WDPCP: variants seen among roughly 807,000 people sequenced by gnomAD.
WDPCP encodes WD repeat-containing and planar cell polarity effector protein fritz homolog.
Under a neutral mutation model 93.1 loss-of-function variants are expected in WDPCP, and 71 were observed. That is an observed-to-expected ratio of 0.76 (90% CI 0.63 to 0.93). The LOEUF is 0.93. Among genes scored for constraint, WDPCP ranks in the 40% least tolerant of loss-of-function variants. WDPCP has a pLI of 0.00. For synonymous variants in WDPCP, 315 were observed against 315.0 expected, an observed-to-expected ratio of 1.00 and a Z score of 0.00; for missense variants, 844 against 887.4, an observed-to-expected ratio of 0.95 and a Z score of 0.62.
intron 14 of WDPCP, among the ~76,000 whole-genome samples, chr2:63,246,569 G>A (rs1206396966): frequency 1.3e-5 from 2 of 152,146 alleles, no homozygotes; most frequent in Non-Finnish European, 2.9e-5. Context: ...GGTGCAGAAG[G>A]TTTTCAAAAG....
chr2:63,820,335 A>G (rs1384450688), intron 1 of WDPCP, among the ~76,000 whole-genome samples: 3 of 152,192 alleles, frequency 2.0e-5, no homozygotes, highest in African/African-American at 7.2e-5. Flanking sequence ...TTTATAAAAC[A>G]GACCAGATTA....
rs145800207 is a variant in WDPCP at position 63,530,491 on chromosome 2, G to T, written c.76-37551C>A. On this transcript the variant is annotated intron_variant, in intron 1 of 17. Coordinates refer to ENST00000272321, the MANE Select transcript of WDPCP (RefSeq NM_015910.7). ...AAAAGACTTGGGTTTCTTAAGCTTG[G>T]AGTTCCCCTCCTATAATGCAGCCCA... 2.0e-4 allele frequency among the ~76,000 whole-genome samples: 30 copies of T among 152,074 alleles called. No homozygotes were observed. The East Asian group carries it at 4.3e-3, about 22-fold the overall frequency.
intron 1 of WDPCP, among the ~76,000 whole-genome samples, chr2:63,825,477 G>C (rs762341342): frequency 6.6e-6 from 1 of 151,966 alleles, no homozygotes; most frequent in Non-Finnish European, 1.5e-5. Context: ...GAAGCACCTC[G>C]AGCCAAAAGA....
chr2:63,228,728 C>T (rs934963679), intron 14 of WDPCP: 1 of 152,026 alleles, frequency 6.6e-6, no homozygotes, highest in Non-Finnish European at 1.5e-5. Context: ...TGATGGTTTC[C>T]AGCTTCATCC....
At chr2:63,796,667 A>G (rs1257798528) in intron 2 of WDPCP, among the ~76,000 whole-genome samples, 1 of 152,252 alleles carries the variant, frequency 6.6e-6, no homozygotes, top group Non-Finnish European at 1.5e-5. Context: ...GAGCAGCCCC[A>G]GCCAGAGGAG....
At chr2:63,667,907 A>G (rs997767343) in intron 2 of WDPCP, among the ~76,000 whole-genome samples, 5 of 152,104 alleles carry the variant, frequency 3.3e-5, no homozygotes, top group African/African-American at 1.2e-4. Flanking sequence ...GCTGCCAGGG[A>G]ATGTTCACAC....
In WDPCP at chr2:63,119,950, T is replaced by G. The variant is rs957879359; in HGVS notation, c.*2056A>C. Among the ~76,000 whole-genome samples the G allele has an allele frequency of 6.6e-6, 1 of 152,220 alleles. No homozygotes were observed. The highest frequency in any genetic ancestry group is 1.5e-5 in the Non-Finnish European group (1 of 68,040). ...TGGTTTTCTGTACATTTAACTTTTCTAGAGGTATGTGAAGTGGGGAAAATG... is the reference window on the plus strand; with the variant it reads ...TGGTTTTCTGTACATTTAACTTTTCGAGAGGTATGTGAAGTGGGGAAAATG... On this transcript the variant is annotated 3_prime_UTR_variant, in exon 18 of 18. Coordinates refer to ENST00000272321, the MANE Select transcript of WDPCP (RefSeq NM_015910.7).
At chr2:63,795,464 G>C (rs781173435) in intron 2 of WDPCP, among the ~76,000 whole-genome samples, 11 of 149,380 alleles carry the variant, frequency 7.4e-5, no homozygotes, top group Non-Finnish European at 1.3e-4. Context: ...CAAGGAGTTT[G>C]AATCCAACCT....
intron 6 of WDPCP, among the ~76,000 whole-genome samples, chr2:63,471,989 G>T (rs1159128148): frequency 1.3e-5 from 2 of 151,928 alleles, no homozygotes; most frequent in Admixed American, 6.6e-5. Context: ...TGTGCACAAT[G>T]TGCAGGTTAC....
At chr2:63,580,088 G>C (rs1708398183) in intron 1 of WDPCP, among the ~76,000 whole-genome samples, 1 of 152,040 alleles carries the variant, frequency 6.6e-6, no homozygotes, top group Admixed American at 6.5e-5. Flanking sequence ...CAAGCCTCCA[G>C]GACTATGAGC....
intron 1 of WDPCP, among the ~76,000 whole-genome samples, chr2:63,496,079 CA>C (rs1701206773): frequency 1.3e-5 from 2 of 152,118 alleles, no homozygotes; most frequent in South Asian, 4.1e-4. Context: ...TCATATTCTT[CA>C]ATTTAGTTTT....
chr2:63,359,481 C>A (rs963016549), intron 12 of WDPCP, among the ~76,000 whole-genome samples: 25 of 152,202 alleles, frequency 1.6e-4, no homozygotes, highest in African/African-American at 5.8e-4. Context: ...CATTACATAT[C>A]TATTATAATA....
intron 1 of WDPCP, among the ~76,000 whole-genome samples, chr2:63,573,257 A>AAAAAAAAG (rs1707666531): frequency 6.7e-6 from 1 of 149,826 alleles, no homozygotes; most frequent in Non-Finnish European, 1.5e-5. Flanking sequence ...AAAAAAAAAA[A>AAAAAAAAG]AAAGGATTCG....
chr2:63,585,548 A>G (rs557086392), intron 1 of WDPCP, among the ~76,000 whole-genome samples: 1 of 152,276 alleles, frequency 6.6e-6, no homozygotes, highest in South Asian at 2.1e-4. Flanking sequence ...ATTATCTAAC[A>G]TGGCTGTTTA....
intron 14 of WDPCP, 72 bp downstream of exon 14, chr2:63,259,235 C>A (rs535105290): frequency 1.7e-5 from 22 of 1,315,236 alleles, no homozygotes; most frequent in Middle Eastern, 3.8e-4. Flanking sequence ...TCCATGTCCT[C>A]CAAACATAAA....
chr2:63,185,778 A>G (rs1674586452), intron 14 of WDPCP, among the ~76,000 whole-genome samples: 1 of 152,160 alleles, frequency 6.6e-6, no homozygotes, highest in African/African-American at 2.4e-5. Context: ...TTACCAAGAG[A>G]AACTCTCCAG....
chr2:63,274,498 A>G, intron 13 of WDPCP, among the ~76,000 whole-genome samples: 1 of 152,246 alleles, frequency 6.6e-6, no homozygotes, highest in East Asian at 1.9e-4. Flanking sequence ...ACTAAACAAG[A>G]TAGAGACTAA....
chr2:63,415,153 A>G (rs1285527603), intron 9 of WDPCP, among the ~76,000 whole-genome samples: 4 of 152,158 alleles, frequency 2.6e-5, no homozygotes, highest in Non-Finnish European at 4.4e-5. Flanking sequence ...CTTGAGCCCA[A>G]GGGTTTGAGA....
chr2:63,532,227 T>C (rs572226536), intron 1 of WDPCP, among the ~76,000 whole-genome samples: 3 of 152,308 alleles, frequency 2.0e-5, no homozygotes, highest in South Asian at 2.1e-4. Context: ...AGACCAAATC[T>C]ACGTCTGATT....
Sources: gnomAD v4.1 joint callset for allele counts (sites outside exome capture counted in the v4.1 genomes callset) on GRCh38, gnomAD v4.1.1 for gene constraint, MANE v1.5 for transcripts, NCBI Gene and HGNC (gene_info 2026-07-23, HGNC 2026-07-21) for gene names.